CCSER1: variants seen among roughly 807,000 people sequenced by gnomAD.
The protein encoded by CCSER1 is coiled-coil serine rich protein 1, also known as serine-rich coiled-coil domain-containing protein 1.
Under a neutral mutation model 82.0 loss-of-function variants are expected in CCSER1, and 41 were observed. The ratio of observed to expected loss-of-function variants is 0.50; its 90% confidence interval spans 0.39 to 0.65. CCSER1 has a LOEUF of 0.65. CCSER1 is among the 30% of genes least tolerant of loss of function. The pLI, the probability that CCSER1 is intolerant of heterozygous loss-of-function variation, is 0.00. For synonymous variants in CCSER1, 414 were observed against 383.9 expected (o/e 1.08, Z -0.92); for missense variants, 1,119 against 1,064.2 (o/e 1.05, Z -0.72).
At chr4:90,599,420 A>T (rs1408755230) in intron 5 of CCSER1, among the ~76,000 whole-genome samples, 1 of 151,984 alleles carries the variant, frequency 6.6e-6, no homozygotes, top group Non-Finnish European at 1.5e-5. Context: ...TTCTGCTATG[A>T]TTGTAAGTTT....
At chr4:90,791,649 G>C (rs185757597) in intron 7 of CCSER1, among the ~76,000 whole-genome samples, 2 of 152,186 alleles carry the variant, frequency 1.3e-5, no homozygotes, top group African/African-American at 2.4e-5. Flanking sequence ...AGGAGATCAA[G>C]ACCATCCTGG....
At chr4:91,474,168 A>G (rs532025391) in intron 10 of CCSER1, among the ~76,000 whole-genome samples, 2 of 152,096 alleles carry the variant, frequency 1.3e-5, no homozygotes, top group African/African-American at 4.8e-5. Context: ...GAAGTTAAAC[A>G]CTGGGTGGGA....
intron 8 of CCSER1, among the ~76,000 whole-genome samples, chr4:90,819,443 AT>A (rs1471248833): frequency 2.0e-5 from 3 of 152,024 alleles, no homozygotes; most frequent in African/African-American, 7.2e-5. Flanking sequence ...TCTACTATAT[AT>A]TTTTTTCCAG....
intron 9 of CCSER1, among the ~76,000 whole-genome samples, chr4:90,983,429 G>A (rs1736302730): frequency 6.6e-6 from 1 of 151,584 alleles, no homozygotes. Flanking sequence ...TAGAGAACTG[G>A]ATATGTGACC....
intron 10 of CCSER1, among the ~76,000 whole-genome samples, chr4:91,402,947 T>G (rs554180084): frequency 5.3e-5 from 8 of 152,332 alleles, no homozygotes; most frequent in Non-Finnish European, 1.2e-4. Context: ...CATTGGTAGC[T>G]TGATGCGGAT....
At chr4:90,601,603 C>G (rs773784140) in intron 5 of CCSER1, among the ~76,000 whole-genome samples, 1 of 148,084 alleles carries the variant, frequency 6.8e-6, no homozygotes, top group Non-Finnish European at 1.5e-5. Flanking sequence ...TTCATTTGCT[C>G]TTTTTGTTTA....
intron 1 of CCSER1, among the ~76,000 whole-genome samples, chr4:90,198,819 A>G (rs1414529856): frequency 1.3e-5 from 2 of 152,078 alleles, no homozygotes; most frequent in African/African-American, 4.8e-5. Context: ...AGAAATCTCT[A>G]TAAAGCTTTG....
At chr4:91,245,699 T>A (rs528709217) in intron 10 of CCSER1, among the ~76,000 whole-genome samples, 1 of 151,920 alleles carries the variant, frequency 6.6e-6, no homozygotes, top group Non-Finnish European at 1.5e-5. Flanking sequence ...ATATATATAT[T>A]TTGTTTGTTT....
At chr4:90,926,538 G>T (rs1365094588) in intron 9 of CCSER1, among the ~76,000 whole-genome samples, 4 of 151,940 alleles carry the variant, frequency 2.6e-5, no homozygotes, top group African/African-American at 9.7e-5. Flanking sequence ...AAAATTCACT[G>T]CCATGAATAA....
At chr4:91,081,000 G>T (rs1722653439) in intron 9 of CCSER1, among the ~76,000 whole-genome samples, 1 of 152,228 alleles carries the variant, frequency 6.6e-6, no homozygotes, top group South Asian at 2.1e-4. Context: ...CTGGTTCCAT[G>T]CCTTCTGAAA....
At chr4:91,149,171 A>G (rs1581649333) in intron 10 of CCSER1, among the ~76,000 whole-genome samples, 1 of 152,080 alleles carries the variant, frequency 6.6e-6, no homozygotes, top group East Asian at 1.9e-4. Context: ...AATGATCACC[A>G]TTCTAACTGG....
chr4:91,191,969 C>G (rs1167650415), intron 10 of CCSER1, among the ~76,000 whole-genome samples: 1 of 152,182 alleles, frequency 6.6e-6, no homozygotes, highest in East Asian at 1.9e-4. Context: ...TTCATCTCCT[C>G]TCCTTCTGTT....
At chr4:90,391,504 AATATATATATATATAT>A (rs70963065) in intron 3 of CCSER1, among the ~76,000 whole-genome samples, 3 of 79,422 alleles carry the variant, frequency 3.8e-5, no homozygotes, top group African/African-American at 9.7e-5. Flanking sequence ...ACAGTGGGTA[AATATATATATATATAT>A]ATATATATAT....
intron 9 of CCSER1, among the ~76,000 whole-genome samples, chr4:91,077,414 A>C (rs1404141950): frequency 6.6e-6 from 1 of 152,270 alleles, no homozygotes; most frequent in African/African-American, 2.4e-5. Context: ...ATAAAAAATT[A>C]CTGGACATGA....
At chr4:90,294,825 G>A (rs771001743) in intron 1 of CCSER1, among the ~76,000 whole-genome samples, 37 of 151,784 alleles carry the variant, frequency 2.4e-4, no homozygotes, top group African/African-American at 2.4e-5. Context: ...CACTGTTAAT[G>A]CTTTGAAGTA....
intron 7 of CCSER1, among the ~76,000 whole-genome samples, chr4:90,751,329 T>G (rs1748624533): frequency 6.6e-6 from 1 of 152,140 alleles, no homozygotes; most frequent in African/African-American, 2.4e-5. Flanking sequence ...GCTACATAAA[T>G]TAATACATTT....
chr4:90,652,959 T>G (rs552110812), intron 6 of CCSER1, among the ~76,000 whole-genome samples: 22 of 152,326 alleles, frequency 1.4e-4, no homozygotes, highest in Non-Finnish European at 2.6e-4. Flanking sequence ...ATTTGTCTGC[T>G]GTTCCTCCTA....
At chr4:91,541,218 T>C (rs2110196243) in intron 10 of CCSER1, among the ~76,000 whole-genome samples, 1 of 152,290 alleles carries the variant, frequency 6.6e-6, no homozygotes, top group East Asian at 1.9e-4. Flanking sequence ...ATTGCTATCA[T>C]TCACTACAGT....
intron 7 of CCSER1, among the ~76,000 whole-genome samples, chr4:90,805,962 T>A (rs1054983580): frequency 6.6e-6 from 1 of 152,218 alleles, no homozygotes; most frequent in African/African-American, 2.4e-5. Context: ...AGAATTTTGA[T>A]GGGTTATTGC....
Sources: gnomAD v4.1 joint callset for allele counts (sites outside exome capture counted in the v4.1 genomes callset) on GRCh38, gnomAD v4.1.1 for gene constraint, MANE v1.5 for transcripts, NCBI Gene and HGNC (gene_info 2026-07-23, HGNC 2026-07-21) for gene names.